Variants in AGBL4 observed in about 807,000 individuals in gnomAD.
AGBL4 encodes AGBL carboxypeptidase 4.
A neutral mutation model predicts 66.4 loss-of-function variants in AGBL4; 58 were observed. That is an observed-to-expected ratio of 0.87 (90% CI 0.71 to 1.09). AGBL4 has a LOEUF of 1.09. AGBL4 is among the 50% of genes least tolerant of loss of function. The probability of loss-of-function intolerance (pLI) is 0.00; values close to 1 mark genes in which losing one functional copy is unlikely to be tolerated. For missense variants in AGBL4, 579 were observed against 631.0 expected (o/e 0.92, Z 0.88); for synonymous variants, 234 against 222.9 (o/e 1.05, Z -0.44).
chr1:49,191,005 T>C (rs1490057368), intron 4 of AGBL4, among the ~76,000 whole-genome samples: 4 of 152,208 alleles, frequency 2.6e-5, no homozygotes, highest in African/African-American at 9.6e-5. Flanking sequence ...TGCTCTGACA[T>C]CTTTTGCTCA....
At chr1:49,280,223 C>A (rs1200761698) in intron 3 of AGBL4, among the ~76,000 whole-genome samples, 1 of 152,078 alleles carries the variant, frequency 6.6e-6, no homozygotes, top group African/African-American at 2.4e-5. Flanking sequence ...CATTGCCTAG[C>A]CACCCTCACC....
intron 3 of AGBL4, among the ~76,000 whole-genome samples, chr1:49,549,832 TTTG>T (rs1263614344): frequency 6.6e-6 from 1 of 152,204 alleles, no homozygotes; most frequent in Non-Finnish European, 1.5e-5. Flanking sequence ...CCATTGTTTC[TTTG>T]TTGATTTTCT....
At chr1:48,877,320 A>C (rs949806644) in intron 5 of AGBL4, among the ~76,000 whole-genome samples, 12 of 152,124 alleles carry the variant, frequency 7.9e-5, no homozygotes, top group African/African-American at 2.9e-4. Context: ...GTTTTAACTG[A>C]AGATTTACCA....
At chr1:48,818,304 T>C (rs1246714414) in intron 6 of AGBL4, 3 of 715,984 alleles carry the variant, frequency 4.2e-6, no homozygotes, top group Non-Finnish European at 7.8e-6. Flanking sequence ...AAGGAAAATA[T>C]TTATGGCCAT....
At chr1:48,782,379 G>A (rs1250301492) in intron 6 of AGBL4, among the ~76,000 whole-genome samples, 7 of 152,200 alleles carry the variant, frequency 4.6e-5, no homozygotes, top group African/African-American at 1.7e-4. Flanking sequence ...GCTGAAGCAT[G>A]TTCAGTGGCA....
intron 1 of AGBL4, among the ~76,000 whole-genome samples, chr1:49,942,075 C>T (rs976057714): frequency 3.3e-5 from 5 of 151,594 alleles, no homozygotes; most frequent in Non-Finnish European, 7.4e-5. Flanking sequence ...AATGATTATA[C>T]AAAAAACAAA....
intron 4 of AGBL4, among the ~76,000 whole-genome samples, chr1:49,141,731 A>G (rs1646121082): frequency 6.6e-6 from 1 of 152,154 alleles, no homozygotes; most frequent in Non-Finnish European, 1.5e-5. Flanking sequence ...AACAAGTTTG[A>G]ATGTTACTTT....
chr1:49,179,931 C>G (rs929196459), intron 4 of AGBL4, among the ~76,000 whole-genome samples: 1 of 150,346 alleles, frequency 6.7e-6, no homozygotes, highest in Admixed American at 6.6e-5. Flanking sequence ...GACGGAGTTT[C>G]GCTCTTGTTG....
intron 6 of AGBL4, among the ~76,000 whole-genome samples, chr1:48,753,926 C>T (rs919226184): frequency 6.6e-6 from 1 of 152,180 alleles, no homozygotes; most frequent in Non-Finnish European, 1.5e-5. Flanking sequence ...ATCTGCCTCC[C>T]TCCTGCAATT....
intron 3 of AGBL4, among the ~76,000 whole-genome samples, chr1:49,515,708 A>G (rs993999963): frequency 9.2e-5 from 14 of 151,896 alleles, no homozygotes; most frequent in African/African-American, 3.4e-4. Context: ...CTATGCAGCC[A>G]TGAAAAATGA....
chr1:49,362,601 C>T (rs951797), intron 3 of AGBL4, among the ~76,000 whole-genome samples: 64 of 152,100 alleles, frequency 4.2e-4, no homozygotes, highest in African/African-American at 1.5e-3. Flanking sequence ...CACACTCTCC[C>T]TCTCAGAGCT....
At chr1:48,554,171 C>T (rs2148287537) in intron 11 of AGBL4, among the ~76,000 whole-genome samples, 1 of 152,286 alleles carries the variant, frequency 6.6e-6, no homozygotes, top group Non-Finnish European at 1.5e-5. Flanking sequence ...GACATGGGGT[C>T]CTCTACCTTT....
intron 4 of AGBL4, among the ~76,000 whole-genome samples, chr1:49,150,101 CA>C (rs1223788187): frequency 6.6e-6 from 1 of 152,020 alleles, no homozygotes; most frequent in Non-Finnish European, 1.5e-5. Context: ...ATAGGCATCA[CA>C]AAAAATCTTT....
At chr1:49,653,716 G>A (rs186053162) in intron 3 of AGBL4, among the ~76,000 whole-genome samples, 2 of 151,362 alleles carry the variant, frequency 1.3e-5, no homozygotes, top group African/African-American at 4.8e-5. Flanking sequence ...GCAGAAGAAA[G>A]GATATAAGAG....
intron 4 of AGBL4, among the ~76,000 whole-genome samples, chr1:49,180,993 C>T (rs1646921362): frequency 6.6e-6 from 1 of 152,158 alleles, no homozygotes; most frequent in South Asian, 2.1e-4. Flanking sequence ...AAAAACCTCT[C>T]CTCAGCATGG....
intron 1 of AGBL4, among the ~76,000 whole-genome samples, chr1:49,856,120 A>G (rs1210429570): frequency 6.6e-6 from 1 of 152,106 alleles, no homozygotes; most frequent in Non-Finnish European, 1.5e-5. Context: ...ACCATGTGCT[A>G]TCAAATTGGA....
intron 5 of AGBL4, among the ~76,000 whole-genome samples, chr1:48,897,298 G>A (rs1651611501): frequency 6.6e-6 from 1 of 152,228 alleles, no homozygotes; most frequent in Middle Eastern, 3.4e-3. Context: ...CCATGTTGCT[G>A]CAAATGAGAG....
At chr1:49,736,952 A>G (rs922608419) in intron 2 of AGBL4, among the ~76,000 whole-genome samples, 28 of 152,146 alleles carry the variant, frequency 1.8e-4, no homozygotes, top group Non-Finnish European at 4.0e-4. Flanking sequence ...GCAAATCAAA[A>G]CCACTATGAG....
chr1:49,715,515 T>A (rs750720700), intron 2 of AGBL4, among the ~76,000 whole-genome samples: 2 of 152,162 alleles, frequency 1.3e-5, no homozygotes, highest in Non-Finnish European at 2.9e-5. Flanking sequence ...GGTATTCTGG[T>A]TCCAGATCCT....
Sources: allele counts gnomAD v4.1 joint callset (sites outside exome capture counted in the v4.1 genomes callset), GRCh38; gene constraint gnomAD v4.1.1; transcripts MANE v1.5; gene names NCBI Gene and HGNC (gene_info 2026-07-23, HGNC 2026-07-21).